NSMAF: variants seen among roughly 807,000 people sequenced by gnomAD.
NSMAF encodes the protein neutral sphingomyelinase activation associated factor.
Under a neutral mutation model 134.9 loss-of-function variants are expected in NSMAF, and 90 were observed. The ratio of observed to expected loss-of-function variants is 0.67; its 90% CI spans 0.56 to 0.79. The LOEUF (loss-of-function observed/expected upper bound fraction) is 0.79, where lower values mean the gene tolerates loss of function less well. Ranked by LOEUF, NSMAF falls within the 30% of genes least tolerant of loss-of-function variation. The pLI, the probability that NSMAF is intolerant of heterozygous loss-of-function variation, is 0.00. For missense variants in NSMAF, 1,010 were observed against 1,119.0 expected, an observed-to-expected ratio of 0.90 and a Z score of 1.39; for synonymous variants, 358 against 389.6, an observed-to-expected ratio of 0.92 and a Z score of 0.96.
intron 9 of NSMAF, among the ~76,000 whole-genome samples, chr8:58,614,141 G>A (rs756901413): frequency 2.0e-5 from 3 of 152,036 alleles, no homozygotes; most frequent in East Asian, 1.9e-4. Flanking sequence ...CATATGAGGC[G>A]GGAAATTAAA....
intron 3 of NSMAF, 33 bp from the exon 4 acceptor site, chr8:58,635,405 C>T (rs778297688): frequency 1.3e-6 from 2 of 1,577,066 alleles, no homozygotes; most frequent in Non-Finnish European, 1.7e-6. Flanking sequence ...TTATAAAAAT[C>T]AAGAAAGGTA....
chr8:58,588,277 T>C, intron 26 of NSMAF: 1 of 646,570 alleles, frequency 1.5e-6, no homozygotes, highest in Non-Finnish European at 2.7e-6. Flanking sequence ...CATTCAGATA[T>C]TTTCAGTTTA....
chr8:58,611,688 A>G (rs1013744479), intron 9 of NSMAF, among the ~76,000 whole-genome samples: 1 of 152,230 alleles, frequency 6.6e-6, no homozygotes, highest in African/African-American at 2.4e-5. Flanking sequence ...GGAAAGGTCC[A>G]GTAAGGCTGA....
chr8:58,606,768 G>A (rs1219612450), intron 11 of NSMAF, among the ~76,000 whole-genome samples: 1 of 152,192 alleles, frequency 6.6e-6, no homozygotes, highest in African/African-American at 2.4e-5. Flanking sequence ...CTTTCACCAT[G>A]TACTAGCTGG....
intron 14 of NSMAF, 43 bp downstream of exon 14, chr8:58,602,015 T>C (rs1806294793): frequency 1.3e-6 from 2 of 1,486,972 alleles, no homozygotes; most frequent in Admixed American, 1.8e-5. Flanking sequence ...AGGCCATGGC[T>C]TCTCGTGTTG....
chr8:58,618,348 A>G (rs10088541), intron 9 of NSMAF, among the ~76,000 whole-genome samples: 46,797 of 151,816 alleles, frequency 0.31, 7,663 homozygotes, highest in Non-Finnish European at 0.35. Context: ...TGAAGCTATA[A>G]GATGATATTA....
intron 1 of NSMAF, among the ~76,000 whole-genome samples, chr8:58,647,162 G>C (rs1013660703): frequency 2.6e-5 from 4 of 152,250 alleles, no homozygotes; most frequent in Non-Finnish European, 4.4e-5. Flanking sequence ...AGGAAGTGCT[G>C]TGATGCCATG....
chr8:58,588,320 T>C, intron 26 of NSMAF: 1 of 727,562 alleles, frequency 1.4e-6, no homozygotes, highest in Middle Eastern at 3.8e-4. Context: ...TTCCTCACTT[T>C]AACTTGACAT....
chr8:58,621,863 A>G (rs900572368), intron 9 of NSMAF, among the ~76,000 whole-genome samples: 2 of 152,004 alleles, frequency 1.3e-5, no homozygotes, highest in African/African-American at 2.4e-5. Flanking sequence ...TAGATTCTGG[A>G]TATTAGACCT....
chr8:58,634,581 G>A (rs546641708), intron 5 of NSMAF, among the ~76,000 whole-genome samples: 2 of 152,312 alleles, frequency 1.3e-5, no homozygotes, highest in East Asian at 3.9e-4. Flanking sequence ...CTTTAAAGAT[G>A]AAGCAGATGA....
At chr8:58,658,681 G>A (rs1489304567) in intron 1 of NSMAF, among the ~76,000 whole-genome samples, 1 of 152,106 alleles carries the variant, frequency 6.6e-6, no homozygotes, top group Non-Finnish European at 1.5e-5. Flanking sequence ...TTTCCTTTTG[G>A]CATCTGAGCT....
chr8:58,592,843 T>C (rs896151048), intron 23 of NSMAF, among the ~76,000 whole-genome samples: 2 of 151,214 alleles, frequency 1.3e-5, no homozygotes, highest in Non-Finnish European at 2.9e-5. Flanking sequence ...GCCAAGATCG[T>C]GCCATTGCCC....
At chr8:58,589,596 T>C in intron 25 of NSMAF, 21 bp from the exon 26 acceptor site, 4 of 1,556,762 alleles carry the variant, frequency 2.6e-6, no homozygotes, top group Non-Finnish European at 2.6e-6. Context: ...ATGAGAAGCA[T>C]TAAAACAGTA....
At chr8:58,597,259 A>C in intron 21 of NSMAF, 128 bp downstream of exon 21, 1 of 825,502 alleles carries the variant, frequency 1.2e-6, no homozygotes, top group South Asian at 1.7e-5. Flanking sequence ...GGAGAACTGC[A>C]ATAAGGCAGG....
At chr8:58,603,000 G>A (rs1480012544) in intron 13 of NSMAF, among the ~76,000 whole-genome samples, 1 of 152,148 alleles carries the variant, frequency 6.6e-6, no homozygotes, top group Non-Finnish European at 1.5e-5. Flanking sequence ...AAGAAGTATG[G>A]TGGAAAAAAC....
chr8:58,644,958 G>T (rs1585763162), intron 1 of NSMAF, among the ~76,000 whole-genome samples: 1 of 152,196 alleles, frequency 6.6e-6, no homozygotes, highest in East Asian at 1.9e-4. Flanking sequence ...ACGGGGACCT[G>T]TTGGCGGGGT....
intron 22 of NSMAF, 87 bp downstream of exon 22, chr8:58,595,473 C>G (rs550032541): frequency 6.9e-5 from 61 of 880,368 alleles, no homozygotes; most frequent in Non-Finnish European, 1.0e-4. Context: ...TTCCCTCTGA[C>G]TCAGCTTAAA....
intron 26 of NSMAF, chr8:58,588,789 C>T: frequency 9.9e-7 from 1 of 1,009,784 alleles, no homozygotes; most frequent in Non-Finnish European, 1.6e-6. Flanking sequence ...CCGGAGAGAG[C>T]TAACTTGACA....
rs1806006322 is a variant in NSMAF at position 58,590,874 on chromosome 8, G to A, written c.2012C>T (p.Ser671Leu). The part of the protein sequence containing the change: ...SKMLQRSISF[S>L]NMALSSCLLL... Reference sequence around the variant, plus strand: ...CTATTAAAATGAACTCACCATATTTGAAAATGATATACTTCTTTGTAGCAT... The same window carrying A: ...CTATTAAAATGAACTCACCATATTTAAAAATGATATACTTCTTTGTAGCAT... The change falls in exon 24 of 31, where the codon TCA becomes TTA. Residue 671 changes from serine to leucine, a missense_variant. By Grantham distance (145) the Ser-to-Leu change is moderately radical. Transcript: ENST00000038176. The A allele has an allele frequency of 6.4e-7, 1 of 1,559,762 alleles. No individual in the cohort carries two copies.
Sources: gnomAD v4.1 joint callset for allele counts (sites outside exome capture counted in the v4.1 genomes callset) on GRCh38, gnomAD v4.1.1 for gene constraint, MANE v1.5 for transcripts, NCBI Gene and HGNC (gene_info 2026-07-23, HGNC 2026-07-21) for gene names.